B3GALT1: variants seen among roughly 807,000 people sequenced by gnomAD.
B3GALT1 encodes the protein beta-1,3-galactosyltransferase 1, also known as UDP-Gal:betaGlcNAc beta 1,3-galactosyltransferase, polypeptide 1.
B3GALT1 carries 10 observed loss-of-function variants against 23.2 expected under a neutral mutation model. That is an observed-to-expected ratio of 0.43 (90% CI 0.27 to 0.73). B3GALT1 has a LOEUF of 0.73. B3GALT1 is among the 30% of genes least tolerant of loss of function. The pLI is 0.21. For synonymous variants in B3GALT1, 156 were observed against 141.5 expected (o/e 1.10, Z -0.73); for missense variants, 299 against 405.4 (o/e 0.74, Z 2.25).
intron 1 of B3GALT1, among the ~76,000 whole-genome samples, chr2:167,414,348 T>A (rs1432095383): frequency 3.3e-5 from 5 of 152,166 alleles, no homozygotes; most frequent in African/African-American, 4.8e-5. Flanking sequence ...TCTGGCCAAG[T>A]GACTCTGAGA....
intron 4 of B3GALT1, among the ~76,000 whole-genome samples, chr2:167,831,165 A>G (rs1009480368): frequency 4.6e-5 from 7 of 152,190 alleles, no homozygotes; most frequent in African/African-American, 1.7e-4. Context: ...ATGCTTAACA[A>G]CTGCTGTCCC....
intron 1 of B3GALT1, among the ~76,000 whole-genome samples, chr2:167,453,321 C>T (rs966935449): frequency 6.6e-6 from 1 of 152,186 alleles, no homozygotes; most frequent in Non-Finnish European, 1.5e-5. Flanking sequence ...CAGGTAATCC[C>T]ACCTCTGTTC....
chr2:167,812,979 G>GCACACA (rs1386947097), intron 3 of B3GALT1, among the ~76,000 whole-genome samples: 5 of 104,868 alleles, frequency 4.8e-5, no homozygotes, highest in Admixed American at 3.6e-4. Flanking sequence ...ACACACACAC[G>GCACACA]CACCACCACC....
At chr2:167,472,856 T>G (rs1335989182) in intron 1 of B3GALT1, among the ~76,000 whole-genome samples, 1 of 152,150 alleles carries the variant, frequency 6.6e-6, no homozygotes, top group Non-Finnish European at 1.5e-5. Flanking sequence ...GTATTTCCAT[T>G]TGTTTGGATT....
intron 2 of B3GALT1, among the ~76,000 whole-genome samples, chr2:167,587,384 T>C (rs942915871): frequency 5.9e-5 from 9 of 152,346 alleles, no homozygotes; most frequent in Non-Finnish European, 1.3e-4. Flanking sequence ...TTAAATATAC[T>C]CATTAACTTA....
At chr2:167,371,202 A>G (rs1158904586) in intron 1 of B3GALT1, among the ~76,000 whole-genome samples, 1 of 149,862 alleles carries the variant, frequency 6.7e-6, no homozygotes, top group Non-Finnish European at 1.5e-5. Flanking sequence ...TTTTTTTTTT[A>G]TCACTGCTAT....
intron 2 of B3GALT1, among the ~76,000 whole-genome samples, chr2:167,504,780 A>G (rs1270475071): frequency 6.6e-6 from 1 of 152,234 alleles, no homozygotes; most frequent in Non-Finnish European, 1.5e-5. Context: ...TGCCTATAGT[A>G]TTTAGTACAG....
At chr2:167,841,646 C>G (rs1689651462) in intron 4 of B3GALT1, among the ~76,000 whole-genome samples, 1 of 152,234 alleles carries the variant, frequency 6.6e-6, no homozygotes. Flanking sequence ...CCTCCCCCTT[C>G]TCCTAAGAGA....
At chr2:167,457,363 G>A (rs1281158275) in intron 1 of B3GALT1, among the ~76,000 whole-genome samples, 2 of 151,848 alleles carry the variant, frequency 1.3e-5, no homozygotes, top group African/African-American at 4.8e-5. Context: ...AGTAGAGACA[G>A]GGTTTCACCA....
chr2:167,741,427 G>C (rs981953983), intron 3 of B3GALT1, among the ~76,000 whole-genome samples: 2 of 152,114 alleles, frequency 1.3e-5, no homozygotes, highest in African/African-American at 4.8e-5. Flanking sequence ...AGTCTGGTAG[G>C]AAAAGCCAAC....
intron 1 of B3GALT1, among the ~76,000 whole-genome samples, chr2:167,367,677 T>C (rs1473289718): frequency 6.6e-6 from 1 of 152,186 alleles, no homozygotes; most frequent in African/African-American, 2.4e-5. Flanking sequence ...CACAGTTCTT[T>C]CCATTTAAGT....
intron 1 of B3GALT1, among the ~76,000 whole-genome samples, chr2:167,394,188 C>G (rs1005083133): frequency 1.3e-5 from 2 of 152,068 alleles, no homozygotes; most frequent in Non-Finnish European, 2.9e-5. Context: ...TGATGAAGTT[C>G]TATAAAACAC....
chr2:167,387,422 C>T (rs1697945426), intron 1 of B3GALT1, among the ~76,000 whole-genome samples: 1 of 152,130 alleles, frequency 6.6e-6, no homozygotes, highest in Non-Finnish European at 1.5e-5. Flanking sequence ...GATATGTTAT[C>T]TCATCATATA....
intron 2 of B3GALT1, among the ~76,000 whole-genome samples, chr2:167,603,759 G>C (rs376241484): frequency 6.6e-6 from 1 of 152,088 alleles, no homozygotes; most frequent in Non-Finnish European, 1.5e-5. Flanking sequence ...AGTTCAAATT[G>C]TCCTCATTGG....
chr2:167,491,483 C>CTTTTTTTTTT (rs35378344), intron 2 of B3GALT1, among the ~76,000 whole-genome samples: 8 of 122,018 alleles, frequency 6.6e-5, no homozygotes, highest in African/African-American at 9.3e-5. Flanking sequence ...TTTACTTTTG[C>CTTTTTTTTTT]TTTTTTTTTT....
chr2:167,625,190 C>T (rs1685319300), intron 2 of B3GALT1, among the ~76,000 whole-genome samples: 1 of 151,878 alleles, frequency 6.6e-6, no homozygotes, highest in South Asian at 2.1e-4. Flanking sequence ...TTCTTTCAAA[C>T]AATTTAAAAT....
chr2:167,818,024 G>T (rs1689030694), intron 3 of B3GALT1, among the ~76,000 whole-genome samples: 1 of 152,268 alleles, frequency 6.6e-6, no homozygotes, highest in African/African-American at 2.4e-5. Flanking sequence ...TTGCCCAAAG[G>T]CAGCTTCAGC....
chr2:167,820,878 A>ATGTT (rs144549426), intron 4 of B3GALT1, among the ~76,000 whole-genome samples: 5 of 152,182 alleles, frequency 3.3e-5, no homozygotes, highest in African/African-American at 9.7e-5. Flanking sequence ...GGCTGTTCTG[A>ATGTT]TGTTTGTTTA....
At chr2:167,680,014 A>G (rs1451813238) in intron 3 of B3GALT1, among the ~76,000 whole-genome samples, 1 of 152,134 alleles carries the variant, frequency 6.6e-6, no homozygotes, top group Admixed American at 6.5e-5. Context: ...TTTCTACTTA[A>G]TAAACCGTAT....
Sources: gnomAD v4.1 joint callset for allele counts (sites outside exome capture counted in the v4.1 genomes callset) on GRCh38, gnomAD v4.1.1 for gene constraint, MANE v1.5 for transcripts, NCBI Gene and HGNC (gene_info 2026-07-23, HGNC 2026-07-21) for gene names.